The following ATP10B variants were observed in gnomAD, a reference collection of about 807,000 sequenced individuals.
The protein encoded by ATP10B is ATPase phospholipid transporting 10B (putative), also known as phospholipid-transporting ATPase VB.
ATP10B carries 122 observed loss-of-function variants against 141.2 expected under a neutral mutation model. The ratio of observed to expected loss-of-function variants is 0.86; its 90% CI spans 0.75 to 1.00. The LOEUF (loss-of-function observed/expected upper bound fraction) is 1.00, where lower values mean the gene tolerates loss of function less well. Ranked by LOEUF, ATP10B falls within the 50% of genes least tolerant of loss-of-function variation. The pLI, the probability that ATP10B is intolerant of heterozygous loss-of-function variation, is 0.00. For synonymous variants in ATP10B, 685 were observed against 692.0 expected (o/e 0.99, Z 0.16); for missense variants, 1,876 against 1,825.3 (o/e 1.03, Z -0.51).
chr5:160,860,048 G>C, the ATP10B span, among the ~76,000 whole-genome samples: 3 of 151,800 alleles, frequency 2.0e-5, no homozygotes, highest in East Asian at 5.8e-4. Flanking sequence ...ATAAAACAAC[G>C]TACAAAGCCA....
chr5:160,586,827 T>C (rs180841790), intron 24 of ATP10B, among the ~76,000 whole-genome samples: 1 of 152,374 alleles, frequency 6.6e-6, no homozygotes, highest in Admixed American at 6.5e-5. Flanking sequence ...GTTTTTCTTG[T>C]AAATTTGTGT....
At chr5:160,902,083 G>A in the ATP10B span, among the ~76,000 whole-genome samples, 2 of 152,056 alleles carry the variant, frequency 1.3e-5, no homozygotes, top group Non-Finnish European at 2.9e-5. Flanking sequence ...AAGGTATGAG[G>A]TCATATACAA....
At chr5:160,669,357 C>G (rs1762516118) in intron 7 of ATP10B, among the ~76,000 whole-genome samples, 1 of 152,040 alleles carries the variant, frequency 6.6e-6, no homozygotes, top group Non-Finnish European at 1.5e-5. Context: ...TATTTTTGTC[C>G]CCATTTTCCA....
intron 10 of ATP10B, among the ~76,000 whole-genome samples, chr5:160,637,374 T>G (rs894412729): frequency 2.6e-5 from 4 of 152,218 alleles, no homozygotes; most frequent in Admixed American, 6.5e-5. Flanking sequence ...TACCCATTCA[T>G]CCCTCCCTCT....
intron 24 of ATP10B, among the ~76,000 whole-genome samples, chr5:160,586,683 G>A (rs1353730340): frequency 1.3e-5 from 2 of 152,108 alleles, no homozygotes; most frequent in African/African-American, 2.4e-5. Flanking sequence ...GGCGTGAGAT[G>A]GTATCTCATT....
intron 6 of ATP10B, chr5:160,685,235 G>T: frequency 1.8e-6 from 1 of 557,558 alleles, no homozygotes; most frequent in Non-Finnish European, 3.2e-6. Flanking sequence ...GCTCAATGTT[G>T]TCTTTTTAAT....
chr5:160,885,477 A>G, the ATP10B span, among the ~76,000 whole-genome samples: 4 of 152,246 alleles, frequency 2.6e-5, no homozygotes, highest in Non-Finnish European at 4.4e-5. Context: ...AAGTCAGAGG[A>G]AGACACCTTG....
chr5:160,814,565 G>A (rs920907685), intron 1 of ATP10B, among the ~76,000 whole-genome samples: 5 of 149,176 alleles, frequency 3.4e-5, no homozygotes, highest in South Asian at 2.1e-4. Flanking sequence ...CCCTCTGCAG[G>A]ATATTATCCA....
chr5:160,672,931 C>T (rs1467302895), intron 6 of ATP10B, among the ~76,000 whole-genome samples: 1 of 152,208 alleles, frequency 6.6e-6, no homozygotes, highest in East Asian at 1.9e-4. Context: ...TATAAAAGAT[C>T]TTCTCAGAAG....
chr5:160,866,033 T>C, the ATP10B span, among the ~76,000 whole-genome samples: 1 of 152,124 alleles, frequency 6.6e-6, no homozygotes, highest in African/African-American at 2.4e-5. Context: ...AAAGTAGAAC[T>C]ACCATTTGAT....
chr5:160,672,206 A>C (rs1762754645), intron 6 of ATP10B, among the ~76,000 whole-genome samples: 1 of 151,638 alleles, frequency 6.6e-6, no homozygotes, highest in Non-Finnish European at 1.5e-5. Flanking sequence ...CAAACTCCTG[A>C]CCTCAAGTGA....
Position 160,686,263 on chromosome 5 carries a change from G to T in ATP10B, c.286C>A (p.Leu96Ile), listed in dbSNP as rs771529755. 1 of 1,589,154 alleles carries T rather than the reference G, an allele frequency of 6.3e-7. No individual in the cohort carries two copies. Among genetic ancestry groups the T allele is most frequent in the East Asian group, 2.3e-5 (1 of 44,354 alleles). ...AAAATCACCAGGAACAGGAAATAGA[G>T]GTTAGCCCATCTGGAGGGGCAAGCG... The part of the protein sequence containing the change: ...LFEQFHRWAN[L>I]YFLFLVILNW... Residue 96 changes from leucine (L) to isoleucine (I), a missense_variant, in exon 6 of 26, where the codon CTC becomes ATC. Coordinates refer to ENST00000327245, the MANE Select transcript of ATP10B (RefSeq NM_025153.3).
At chr5:160,670,958 A>T (rs1442704559) in intron 6 of ATP10B, among the ~76,000 whole-genome samples, 1 of 151,954 alleles carries the variant, frequency 6.6e-6, no homozygotes, top group Non-Finnish European at 1.5e-5. Flanking sequence ...TGAGGTCAGG[A>T]GTTCGAGACC....
chr5:160,791,273 G>C (rs1771545985), intron 1 of ATP10B, among the ~76,000 whole-genome samples: 1 of 152,104 alleles, frequency 6.6e-6, no homozygotes, highest in Non-Finnish European at 1.5e-5. Context: ...GTTGTTTTTA[G>C]CTTCTAAGTT....
At chr5:160,875,481 G>A in the ATP10B span, among the ~76,000 whole-genome samples, 6,600 of 68,250 alleles carry the variant, frequency 0.097, 231 homozygotes, top group Middle Eastern at 0.21. Context: ...ATCAACTAAC[G>A]AGCAAAATCA....
At chr5:160,654,197 T>C (rs1316670524) in intron 7 of ATP10B, among the ~76,000 whole-genome samples, 2 of 151,730 alleles carry the variant, frequency 1.3e-5, no homozygotes, top group Admixed American at 6.6e-5. Context: ...ACTCCTGAGC[T>C]TAAGCGAGCC....
intron 2 of ATP10B, among the ~76,000 whole-genome samples, chr5:160,717,532 A>G (rs1285970937): frequency 6.6e-6 from 1 of 152,200 alleles, no homozygotes; most frequent in African/African-American, 2.4e-5. Flanking sequence ...AAAGTGAAGC[A>G]GTTTTGGAGA....
chr5:160,811,459 G>C (rs530935365), intron 1 of ATP10B, among the ~76,000 whole-genome samples: 46 of 152,158 alleles, frequency 3.0e-4, no homozygotes, highest in Non-Finnish European at 1.8e-4. Flanking sequence ...TACTTGGAAG[G>C]GTGATTCCCA....
At chr5:160,796,793 C>T (rs531370055) in intron 1 of ATP10B, among the ~76,000 whole-genome samples, 1 of 152,250 alleles carries the variant, frequency 6.6e-6, no homozygotes, top group Non-Finnish European at 1.5e-5. Flanking sequence ...AGGTACCTCC[C>T]ACCTGCACTT....
Sources: allele counts gnomAD v4.1 joint callset (sites outside exome capture counted in the v4.1 genomes callset), GRCh38; gene constraint gnomAD v4.1.1; transcripts MANE v1.5; gene names NCBI Gene and HGNC (gene_info 2026-07-23, HGNC 2026-07-21).